TRIO: variants seen among roughly 807,000 people sequenced by gnomAD.
The protein encoded by TRIO is triple functional domain protein.
Under a neutral mutation model 351.9 loss-of-function variants are expected in TRIO, and 58 were observed. The observed-to-expected ratio is 0.16, with a 90% CI of 0.13 to 0.21. The LOEUF (loss-of-function observed/expected upper bound fraction) is 0.21, where lower values mean the gene tolerates loss of function less well. Among genes scored for constraint, TRIO ranks in the 10% least tolerant of loss-of-function variants. The pLI is 1.00. For synonymous variants in TRIO, 1,758 were observed against 1,595.7 expected, an observed-to-expected ratio of 1.10 and a Z score of -2.42; for missense variants, 3,201 against 4,027.8, an observed-to-expected ratio of 0.79 and a Z score of 5.56.
intron 4 of TRIO, among the ~76,000 whole-genome samples, chr5:14,289,169 C>T (rs1255027315): frequency 6.6e-6 from 1 of 151,862 alleles, no homozygotes; most frequent in Non-Finnish European, 1.5e-5. Context: ...GGGCGGATCA[C>T]AAGGTCAGGA....
At chr5:14,243,190 C>T (rs1399514288) in intron 1 of TRIO, among the ~76,000 whole-genome samples, 4 of 152,146 alleles carry the variant, frequency 2.6e-5, no homozygotes, top group African/African-American at 4.8e-5. Context: ...GTCCCCTCTC[C>T]GGCTCCTGGG....
chr5:14,437,174 C>G (rs1480953107), intron 34 of TRIO, among the ~76,000 whole-genome samples: 1 of 151,952 alleles, frequency 6.6e-6, no homozygotes, highest in Admixed American at 6.5e-5. Flanking sequence ...CTTTTTTTCC[C>G]TCTCCTGTTT....
chr5:14,280,535 A>AG, intron 3 of TRIO, 99 bp downstream of exon 3: 1 of 987,496 alleles, frequency 1.0e-6, no homozygotes, highest in Non-Finnish European at 1.6e-6. Context: ...CCTGCATTCC[A>AG]GGCAAAGTAG....
At chr5:14,201,649 TACTTC>T (rs908073824) in intron 1 of TRIO, among the ~76,000 whole-genome samples, 8 of 152,198 alleles carry the variant, frequency 5.3e-5, no homozygotes, top group African/African-American at 1.4e-4. Context: ...TTGTAAAAAT[TACTTC>T]ACTTAGTCAG....
chr5:14,378,224 A>G, intron 20 of TRIO, 97 bp downstream of exon 20: 1 of 886,300 alleles, frequency 1.1e-6, no homozygotes, highest in Non-Finnish European at 1.8e-6. Flanking sequence ...CATCTTGAAA[A>G]CCACTTTCTA....
Position 14,509,328 on chromosome 5 carries a change from T to C in TRIO, c.*906T>C, listed in dbSNP as rs1757935775. ...TTTATGAAGACCTCTGTTGTACCTG[T>C]AATAAATATATAGAAAAAGCACATA... On this transcript the variant is annotated 3_prime_UTR_variant, in exon 57 of 57. Coordinates refer to ENST00000344204, the MANE Select transcript of TRIO (RefSeq NM_007118.4). 8 of 428,190 alleles carry C rather than the reference T, an allele frequency of 1.9e-5. No individual in the cohort carries two copies. The highest frequency in any genetic ancestry group is 4.5e-4 in the Middle Eastern group (1 of 2,228). The allele number at this position is 428,190 out of a possible 1,614,324, so 26.5% of individuals were successfully genotyped here.
intron 11 of TRIO, among the ~76,000 whole-genome samples, chr5:14,354,214 TG>T (rs1743405551): frequency 6.6e-6 from 1 of 152,220 alleles, no homozygotes; most frequent in East Asian, 1.9e-4. Flanking sequence ...TGTTACGAGG[TG>T]TGTCCTGTCC....
chr5:14,353,223 C>T (rs1230498816), intron 11 of TRIO, among the ~76,000 whole-genome samples: 1 of 149,574 alleles, frequency 6.7e-6, no homozygotes. Context: ...CTAGCATTTA[C>T]TTATTTCTTC....
chr5:14,285,354 C>A (rs1736350343), intron 3 of TRIO, among the ~76,000 whole-genome samples: 1 of 151,980 alleles, frequency 6.6e-6, no homozygotes, highest in African/African-American at 2.4e-5. Context: ...TGTGAGCCGC[C>A]TTCTGATTGG....
chr5:14,509,625 A>G lies in TRIO; in HGVS notation c.*1203A>G, dbSNP rs1250368102. The G allele has an allele frequency of 3.0e-6, 1 of 327,976 alleles. No homozygotes were observed. Among genetic ancestry groups the G allele is most frequent in the Non-Finnish European group, 5.9e-6 (1 of 168,654 alleles). 20.3% of individuals were successfully genotyped at this position (327,976 alleles called of 1,614,324 possible). On this transcript the variant is annotated 3_prime_UTR_variant, in exon 57 of 57. Coordinates refer to ENST00000344204, the MANE Select transcript of TRIO (RefSeq NM_007118.4). Reference sequence around the variant, plus strand: ...CTACTTTTTAGACTTTTTGACGTTGAACTTTCTGTATAAAAATTGGCTGGG... The same window carrying G: ...CTACTTTTTAGACTTTTTGACGTTGGACTTTCTGTATAAAAATTGGCTGGG...
intron 1 of TRIO, among the ~76,000 whole-genome samples, chr5:14,186,680 CGATT>C (rs1418851852): frequency 6.6e-6 from 1 of 152,000 alleles, no homozygotes; most frequent in Non-Finnish European, 1.5e-5. Context: ...CTGGTTCAAG[CGATT>C]CTCTTGCCTC....
intron 7 of TRIO, among the ~76,000 whole-genome samples, chr5:14,298,223 C>T (rs998785885): frequency 6.6e-6 from 1 of 152,092 alleles, no homozygotes; most frequent in Non-Finnish European, 1.5e-5. Context: ...ATATATGCCC[C>T]CAACACTCCC....
Position 14,487,953 on chromosome 5 carries a change from GC to G in TRIO, c.7326del (p.Thr2443ProfsTer15), listed in dbSNP as rs771425795. The stretch of plus-strand genomic sequence containing the variant: ...GCCAAGGACGCGCGCGCTAGCCTGG[GC>G]ACCCTGCCGCTTGGGAAGCCCCGGG... Reference protein sequence around the residue: ...APAKDARASLGTLPLGKPRAG... With the variant: ...APAKDARASLXTLPLGKPRAG... On this transcript the variant is annotated frameshift_variant, in exon 48 of 57. Coordinates refer to ENST00000344204, the MANE Select transcript of TRIO (RefSeq NM_007118.4). LOFTEE classifies it high-confidence loss of function. The G allele has an allele frequency of 1.9e-6, 3 of 1,549,048 alleles. No homozygotes were observed. The highest frequency in any genetic ancestry group is 2.6e-6 in the Non-Finnish European group (3 of 1,147,172).
chr5:14,438,654 C>T (rs1328358867), intron 34 of TRIO, among the ~76,000 whole-genome samples: 1 of 152,244 alleles, frequency 6.6e-6, no homozygotes, highest in African/African-American at 2.4e-5. Context: ...CCTGGCCATG[C>T]CACCATGGTA....
intron 6 of TRIO, among the ~76,000 whole-genome samples, chr5:14,296,822 C>T (rs753181251): frequency 2.6e-5 from 4 of 152,178 alleles, no homozygotes; most frequent in Non-Finnish European, 5.9e-5. Context: ...TTGTGCTGAA[C>T]AATTATGCCT....
chr5:14,435,150 G>A (rs77965055), intron 34 of TRIO, among the ~76,000 whole-genome samples: 319 of 152,252 alleles, frequency 2.1e-3, no homozygotes, highest in Non-Finnish European at 3.5e-3. Flanking sequence ...CCATGGCCAC[G>A]AAAATTTAGG....
chr5:14,492,319 A>G (rs1756548118), intron 48 of TRIO: 2 of 536,092 alleles, frequency 3.7e-6, no homozygotes, highest in Non-Finnish European at 3.3e-6. Flanking sequence ...CCAAAGAGTC[A>G]TTATTGCAGT....
chr5:14,324,833 C>G (rs1193533548), intron 9 of TRIO, among the ~76,000 whole-genome samples: 1 of 152,100 alleles, frequency 6.6e-6, no homozygotes, highest in Non-Finnish European at 1.5e-5. Flanking sequence ...TCTGGACAGC[C>G]CCCCCATAAT....
At chr5:14,186,514 T>C (rs1318011504) in intron 1 of TRIO, among the ~76,000 whole-genome samples, 1 of 152,208 alleles carries the variant, frequency 6.6e-6, no homozygotes, top group Non-Finnish European at 1.5e-5. Context: ...CACAGAGGCA[T>C]GGGGTTTCTT....
Sources: gnomAD v4.1 joint callset for allele counts (sites outside exome capture counted in the v4.1 genomes callset) on GRCh38, gnomAD v4.1.1 for gene constraint, MANE v1.5 for transcripts, NCBI Gene and HGNC (gene_info 2026-07-23, HGNC 2026-07-21) for gene names.